The following POLK variants were observed in gnomAD, a reference collection of about 807,000 sequenced individuals.
POLK encodes the protein polymerase (DNA directed) kappa.
A neutral mutation model predicts 94.0 loss-of-function variants in POLK; 76 were observed. The observed-to-expected ratio is 0.81, with a 90% CI of 0.67 to 0.98. The LOEUF is 0.98. Among genes scored for constraint, POLK ranks in the 50% least tolerant of loss-of-function variants. The pLI, the probability that POLK is intolerant of heterozygous loss-of-function variation, is 0.00. For synonymous variants in POLK, 349 were observed against 325.4 expected, an observed-to-expected ratio of 1.07 and a Z score of -0.78; for missense variants, 954 against 1,010.1, an observed-to-expected ratio of 0.94 and a Z score of 0.75.
Position 75,596,408 on chromosome 5 carries a change from GATCAGAAAGGAAAT to G in POLK, c.1716_1729del (p.Ser573GlufsTer7). The G allele has an allele frequency of 4.3e-6, 7 of 1,613,762 alleles. No individual in the cohort carries two copies. The highest frequency in any genetic ancestry group is 5.9e-6 in the Non-Finnish European group (7 of 1,179,806). ...AAGAAGAGTTTCTTTGATAAAAAAC[GATCAGAAAGGAAAT>G]GGAGTCACCAAGATACATTTAAATG... is the stretch of plus-strand genomic sequence containing the variant. On this transcript the variant is annotated frameshift_variant, in exon 13 of 15. Transcript: ENST00000241436. LOFTEE classifies it high-confidence loss of function.
chr5:75,592,730 T>C lies in POLK; in HGVS notation c.1357-1148T>C, dbSNP rs140143189. On this transcript the variant is annotated intron_variant, in intron 11 of 14. Coordinates refer to ENST00000241436, the Ensembl canonical transcript of POLK. ...AAAAAAAACAAACAAAAAAATTCAG[T>C]TGGGAAGGGGAATAAAAATTACTGG... is the stretch of plus-strand genomic sequence containing the variant. Among the ~76,000 whole-genome samples, 4 of 148,616 alleles carry C rather than the reference T, an allele frequency of 2.7e-5. No individual in the cohort carries two copies. In the East Asian group the frequency reaches 6.0e-4, roughly 22 times the overall value.
chr5:75,605,079 A>G (rs1249954166), downstream of POLK, among the ~76,000 whole-genome samples: 10 of 151,436 alleles, frequency 6.6e-5, no homozygotes, highest in Admixed American at 5.9e-4. Context: ...CTCAGCCTGT[A>G]AAGTGTAGTA....
At chr5:75,517,399 T>C (rs1352651269) in intron 1 of POLK, among the ~76,000 whole-genome samples, 1 of 152,184 alleles carries the variant, frequency 6.6e-6, no homozygotes, top group Non-Finnish European at 1.5e-5. Flanking sequence ...CTATTGTAAA[T>C]GTTATGCTCT....
intron 8 of POLK, among the ~76,000 whole-genome samples, chr5:75,583,941 T>C (rs1401686129): frequency 1.3e-5 from 2 of 152,230 alleles, no homozygotes; most frequent in Non-Finnish European, 1.5e-5. Flanking sequence ...GTAATTGCAC[T>C]ATGCACTACT....
chr5:75,583,343 C>T (rs755113914), exon 8 of POLK: 1 of 1,605,392 alleles, frequency 6.2e-7, no homozygotes, highest in Non-Finnish European at 8.5e-7. Flanking sequence ...TAAGAATAAA[C>T]CAAATGGACA....
In POLK at chr5:75,596,945, T is replaced by C. The variant is rs749974281; in HGVS notation, c.2252T>C (p.Leu751Ser). ...CAGAATTCTTCTTCTACTGTTTCAT[T>C]GGAAAACGAAGATGTTGGATCATTT... Residue 751 changes from leucine to serine, a missense_variant, in exon 13 of 15, where the codon TTG becomes TCG. Transcript: ENST00000241436. 7 of 1,613,644 alleles carry C rather than the reference T, an allele frequency of 4.3e-6. No individual in the cohort carries two copies. In the South Asian group the frequency reaches 6.6e-5, roughly 15 times the overall value.
intron 13 of POLK, 194 bp downstream of exon 13, chr5:75,597,372 CTTTGGT>C: frequency 1.9e-6 from 1 of 525,884 alleles, no homozygotes; most frequent in South Asian, 2.8e-5. Context: ...TTGGGGAAAA[CTTTGGT>C]TTGATCTTGA....
At chr5:75,581,430 A>G (rs1253918632) in exon 7 of POLK, 1 of 1,613,508 alleles carries the variant, frequency 6.2e-7, no homozygotes, top group Non-Finnish European at 8.5e-7. Context: ...GCAGAAAACA[A>G]CACTGACAGC....
At chr5:75,553,742 A>G (rs557748580) in intron 3 of POLK, among the ~76,000 whole-genome samples, 5 of 152,258 alleles carry the variant, frequency 3.3e-5, no homozygotes, top group African/African-American at 1.2e-4. Context: ...GAAAGTATTG[A>G]TTTTCTCACA....
chr5:75,572,914 A>G lies in POLK; in HGVS notation c.409-824A>G, dbSNP rs565758485. ...ATAGGAACACTTTTACACTGTTGGT[A>G]GGACTGTAAACTAGTTCAACCATTG... On this transcript the variant is annotated intron_variant, in intron 4 of 14. Coordinates refer to ENST00000241436, the Ensembl canonical transcript of POLK. 1.4e-4 allele frequency among the ~76,000 whole-genome samples: 21 copies of G among 152,280 alleles called. No homozygotes were observed. The South Asian group carries it at 3.7e-3, about 27-fold the overall frequency.
At chr5:75,552,584 A>G (rs1770387537) in exon 3 of POLK, 1 of 1,602,760 alleles carries the variant, frequency 6.2e-7, no homozygotes, top group Non-Finnish European at 8.5e-7. Flanking sequence ...AGAAAAGCAC[A>G]ATTACAGGTA....
chr5:75,567,282 A>G (rs1447672570), intron 3 of POLK, among the ~76,000 whole-genome samples: 1 of 151,948 alleles, frequency 6.6e-6, no homozygotes, highest in Non-Finnish European at 1.5e-5. Context: ...TTTGACTGTT[A>G]TTTCTTAGGT....
At chr5:75,563,492 G>T (rs1300821752) in intron 3 of POLK, among the ~76,000 whole-genome samples, 1 of 152,028 alleles carries the variant, frequency 6.6e-6, no homozygotes, top group African/African-American at 2.4e-5. Flanking sequence ...TGATGTTAGG[G>T]TGTTGATTTT....
At chr5:75,515,469 G>A (rs949446455) in intron 1 of POLK, among the ~76,000 whole-genome samples, 2 of 152,204 alleles carry the variant, frequency 1.3e-5, no homozygotes, top group Admixed American at 1.3e-4. Flanking sequence ...TTTTTTTATG[G>A]CTAAATTCCA....
At chr5:75,567,797 G>A (rs1313342449) in intron 3 of POLK, among the ~76,000 whole-genome samples, 1 of 152,156 alleles carries the variant, frequency 6.6e-6, no homozygotes, top group East Asian at 1.9e-4. Context: ...GACAGAGCTT[G>A]GAAAGGCACT....
intron 10 of POLK, among the ~76,000 whole-genome samples, chr5:75,587,649 G>A (rs1772539844): frequency 6.6e-6 from 1 of 152,096 alleles, no homozygotes; most frequent in Non-Finnish European, 1.5e-5. Context: ...GGCCCGGCAA[G>A]GTGGCTCACC....
chr5:75,535,537 T>TA (rs5744569), intron 1 of POLK, among the ~76,000 whole-genome samples: 11,702 of 152,234 alleles, frequency 0.077, 542 homozygotes, highest in South Asian at 0.17. Flanking sequence ...TATCCTGAAA[T>TA]ATGTTTTCCA....
intron 1 of POLK, among the ~76,000 whole-genome samples, chr5:75,534,477 G>T (rs1769350595): frequency 6.6e-6 from 1 of 151,954 alleles, no homozygotes; most frequent in Non-Finnish European, 1.5e-5. Flanking sequence ...CTGTTTTATT[G>T]TAATCCTTAG....
Position 75,576,941 on chromosome 5 carries a change from A to C in POLK, c.694+8A>C, listed in dbSNP as rs112413905. 1 of 1,507,572 alleles carries C rather than the reference A, an allele frequency of 6.6e-7. No homozygotes were observed. Among genetic ancestry groups the C allele is most frequent in the South Asian group, 1.3e-5 (1 of 74,606 alleles). The allele number at this position is 1,507,572 out of a possible 1,614,324, so 93.4% of individuals were successfully genotyped here. A position where few individuals can be genotyped will look rare whatever the true frequency, so the allele number is the denominator to read the frequency against. On this transcript the variant is annotated splice_region_variant and intron_variant, in intron 6 of 14. Coordinates refer to ENST00000241436, the Ensembl canonical transcript of POLK. ...GAAGCTCTGTAGAAAATGGTAAGCA[A>C]CTTATTAAGACTATCAAACCAAGAA...
Sources: gnomAD v4.1 joint callset for allele counts (sites outside exome capture counted in the v4.1 genomes callset) on GRCh38, gnomAD v4.1.1 for gene constraint, MANE v1.5 for transcripts, NCBI Gene and HGNC (gene_info 2026-07-23, HGNC 2026-07-21) for gene names.